The following CFTR variants were observed in gnomAD, a reference collection of about 807,000 sequenced individuals.
CFTR encodes cystic fibrosis transmembrane conductance regulator.
In CFTR, 181 loss-of-function variants were observed where a neutral mutation model predicts 171.6. The ratio of observed to expected loss-of-function variants is 1.05; its 90% CI spans 0.93 to 1.19. The LOEUF is 1.19. Ranked by LOEUF, CFTR falls within the 50% of genes most tolerant of loss-of-function variation. The probability of loss-of-function intolerance (pLI) is 0.00; values close to 1 mark genes in which losing one functional copy is unlikely to be tolerated. For synonymous variants in CFTR, 583 were observed against 608.0 expected, an observed-to-expected ratio of 0.96 and a Z score of 0.60; for missense variants, 1,968 against 1,734.7, an observed-to-expected ratio of 1.13 and a Z score of -2.39.
At chr7:117,638,793 CAA>C (rs1562922284) in intron 22 of CFTR, among the ~76,000 whole-genome samples, 2 of 150,658 alleles carry the variant, frequency 1.3e-5, no homozygotes, top group African/African-American at 4.9e-5. Context: ...TAAAATAAAA[CAA>C]AAATTTTATT....
intron 1 of CFTR, among the ~76,000 whole-genome samples, chr7:117,490,992 C>G (rs118057634): frequency 2.0e-5 from 3 of 152,158 alleles, no homozygotes; most frequent in Non-Finnish European, 4.4e-5. Context: ...GGAATGCGTT[C>G]TGGGTAATAT....
chr7:117,646,113 CT>C (rs1176261434), intron 23 of CFTR, among the ~76,000 whole-genome samples: 1 of 152,014 alleles, frequency 6.6e-6, no homozygotes. Flanking sequence ...TTCTCTGTGC[CT>C]CTGTTTTCTT....
intron 22 of CFTR, among the ~76,000 whole-genome samples, chr7:117,636,617 C>A (rs1562921669): frequency 6.6e-6 from 1 of 150,838 alleles, no homozygotes; most frequent in Non-Finnish European, 1.5e-5. Context: ...TTGGAAGTTT[C>A]TATTGACATA....
Position 117,531,120 on chromosome 7 carries a change from A to T in CFTR, c.489+6A>T, listed in dbSNP as rs1430319870. 3 of 1,592,312 alleles carry T rather than the reference A, an allele frequency of 1.9e-6. No homozygotes were observed. Among genetic ancestry groups the T allele is most frequent in the East Asian group, 4.5e-5 (2 of 44,674 alleles). On this transcript the variant is annotated splice_donor_region_variant and intron_variant, in intron 4 of 26. Coordinates refer to ENST00000003084, the MANE Select transcript of CFTR (RefSeq NM_000492.4). The stretch of plus-strand genomic sequence containing the variant: ...TTAGTTTGATTTATAAGAAGGTAAT[A>T]CTTCCTTGCACAGGCCCCATGGCAC...
chr7:117,524,244 T>C (rs1327639445), intron 3 of CFTR, among the ~76,000 whole-genome samples: 4 of 152,188 alleles, frequency 2.6e-5, no homozygotes, highest in African/African-American at 4.8e-5. Context: ...GAAATGATGC[T>C]TTGTCTGGTA....
At chr7:117,537,352 A>G (rs1008079725) in intron 7 of CFTR, among the ~76,000 whole-genome samples, 4 of 152,188 alleles carry the variant, frequency 2.6e-5, no homozygotes, top group Non-Finnish European at 5.9e-5. Context: ...TTACTGAGAT[A>G]AATTTGGGCA....
intron 22 of CFTR, among the ~76,000 whole-genome samples, chr7:117,629,727 G>A (rs973903709): frequency 2.0e-5 from 3 of 152,162 alleles, no homozygotes; most frequent in Admixed American, 6.5e-5. Flanking sequence ...TTGAGGCCTC[G>A]TGAGAGAGCT....
chr7:117,614,569 G>C (rs768870771), intron 20 of CFTR, 44 bp from the exon 21 acceptor site: 5 of 1,253,230 alleles, frequency 4.0e-6, no homozygotes, highest in South Asian at 2.4e-5. Flanking sequence ...TCACAGAAGA[G>C]AGAAATAACA....
intron 24 of CFTR, among the ~76,000 whole-genome samples, chr7:117,656,899 G>A (rs1405279314): frequency 6.6e-6 from 1 of 152,152 alleles, no homozygotes; most frequent in Non-Finnish European, 1.5e-5. Context: ...TGAAATGCCT[G>A]TGAGTGTTAA....
intron 1 of CFTR, among the ~76,000 whole-genome samples, chr7:117,488,697 T>C (rs1219189881): frequency 6.6e-6 from 1 of 152,064 alleles, no homozygotes; most frequent in South Asian, 2.1e-4. Context: ...GCAGTGACAA[T>C]AAAAGATAAT....
chr7:117,586,317 C>T (rs562316394), intron 11 of CFTR: 5 of 152,178 alleles, frequency 3.3e-5, no homozygotes, highest in East Asian at 3.9e-4. Flanking sequence ...TGGGTATTAA[C>T]GACCTCTCTA....
intron 18 of CFTR, among the ~76,000 whole-genome samples, chr7:117,608,834 A>G (rs771271795): frequency 6.6e-6 from 1 of 152,128 alleles, no homozygotes; most frequent in African/African-American, 2.4e-5. Context: ...GCATACCTAT[A>G]AATTTTCTTT....
chr7:117,612,358 GA>G (rs1792421732), intron 20 of CFTR, among the ~76,000 whole-genome samples: 2 of 150,510 alleles, frequency 1.3e-5, no homozygotes, highest in African/African-American at 4.9e-5. Context: ...AACTGTCACA[GA>G]AAAGAAAGAC....
chr7:117,489,500 TA>T (rs1798123467), intron 1 of CFTR, among the ~76,000 whole-genome samples: 1 of 152,072 alleles, frequency 6.6e-6, no homozygotes. Flanking sequence ...GATAATATCA[TA>T]TGTGGCTTAT....
At chr7:117,533,395 A>G (rs1798893821) in intron 4 of CFTR, among the ~76,000 whole-genome samples, 1 of 152,076 alleles carries the variant, frequency 6.6e-6, no homozygotes, top group Admixed American at 6.6e-5. Context: ...TAACTACCCT[A>G]TTACTTTCTA....
chr7:117,627,773 G>T lies in CFTR; in HGVS notation c.3717+3G>T. ...TCTCAATAAGTCCTGGCCAGAGGGT[G>T]AGATTTGAACACTGCTTGCTTTGTT... On this transcript the variant is annotated splice_donor_region_variant and intron_variant, in intron 22 of 26. Coordinates refer to ENST00000003084, the MANE Select transcript of CFTR (RefSeq NM_000492.4). 1 of 1,609,924 alleles carries T rather than the reference G, an allele frequency of 6.2e-7. No individual in the cohort carries two copies. Among genetic ancestry groups the T allele is most frequent in the South Asian group, 1.1e-5 (1 of 90,954 alleles).
intron 11 of CFTR, among the ~76,000 whole-genome samples, chr7:117,560,455 T>C (rs915728948): frequency 6.6e-6 from 1 of 152,132 alleles, no homozygotes; most frequent in African/African-American, 2.4e-5. Flanking sequence ...CTTTGATAGT[T>C]GGCATTTGCA....
At position 117,608,954 on chromosome 7, in the gene CFTR, T is replaced by G. The variant is rs1792341509; in HGVS notation, c.2989-1565T>G. Among the ~76,000 whole-genome samples the G allele has an allele frequency of 2.0e-5, 3 of 152,206 alleles. No homozygotes were observed. The South Asian group carries it at 6.2e-4, about 31-fold the overall frequency. On this transcript the variant is annotated intron_variant, in intron 18 of 26. Coordinates refer to ENST00000003084, the MANE Select transcript of CFTR (RefSeq NM_000492.4). The stretch of plus-strand genomic sequence containing the variant: ...ACATGAGATTTACCCTCTTAACAGA[T>G]TTTTATGTGTAAAATACAATATTGT...
chr7:117,628,369 T>C (rs1011243227), intron 22 of CFTR, among the ~76,000 whole-genome samples: 6 of 152,278 alleles, frequency 3.9e-5, no homozygotes, highest in African/African-American at 1.2e-4. Flanking sequence ...TGGAATTGAT[T>C]CTTGGAGACA....
Sources: gnomAD v4.1 joint callset for allele counts (sites outside exome capture counted in the v4.1 genomes callset) on GRCh38, gnomAD v4.1.1 for gene constraint, MANE v1.5 for transcripts, NCBI Gene and HGNC (gene_info 2026-07-23, HGNC 2026-07-21) for gene names.